JAK1: variants seen among roughly 807,000 people sequenced by gnomAD.
JAK1 encodes the protein Janus kinase 1.
JAK1 carries 16 observed loss-of-function variants against 136.6 expected under a neutral mutation model. The ratio of observed to expected loss-of-function variants is 0.12; its 90% CI spans 0.08 to 0.18. JAK1 has a LOEUF of 0.18. Ranked by LOEUF, JAK1 falls within the 10% of genes least tolerant of loss-of-function variation. JAK1 has a pLI of 1.00. For missense variants in JAK1, 859 were observed against 1,450.1 expected (o/e 0.59, Z 6.62); for synonymous variants, 492 against 519.5 (o/e 0.95, Z 0.72).
At chr1:64,838,644 A>G in intron 20 of JAK1, 55 bp from the exon 21 acceptor site, 1 of 1,593,336 alleles carries the variant, frequency 6.3e-7, no homozygotes, top group Non-Finnish European at 8.5e-7. Context: ...GAACCATGGG[A>G]GAGGCAAGGG....
Position 64,906,992 on chromosome 1 carries a change from T to G in JAK1, c.-77-20651A>C, listed in dbSNP as rs192875787. Among the ~76,000 whole-genome samples the G allele has an allele frequency of 6.6e-5, 8 of 121,204 alleles. No homozygotes were observed. The East Asian group carries it at 1.5e-3, about 22-fold the overall frequency. The allele number at this position is 121,204 out of a possible 152,430, so 79.5% of individuals were successfully genotyped here. ...TTGTCCAGCAGACTTCTCTTAACAGTGAGGAGAAGCACAAAAAAAAAAAAA... is the reference window on the plus strand; with the variant it reads ...TTGTCCAGCAGACTTCTCTTAACAGGGAGGAGAAGCACAAAAAAAAAAAAA... On this transcript the variant is annotated intron_variant, in intron 1 of 24. Transcript: ENST00000342505.
intron 1 of JAK1, among the ~76,000 whole-genome samples, chr1:64,920,228 C>T (rs1157008428): frequency 1.3e-5 from 2 of 152,246 alleles, no homozygotes; most frequent in African/African-American, 4.8e-5. Context: ...GTGGCTTACA[C>T]AAAATGAACT....
At chr1:65,035,251 T>G (rs1189766219) in intron 2 of JAK1, among the ~76,000 whole-genome samples, 1 of 152,154 alleles carries the variant, frequency 6.6e-6, no homozygotes, top group Non-Finnish European at 1.5e-5. Context: ...CATACCAGAA[T>G]AGAAACTGGC....
intron 1 of JAK1, among the ~76,000 whole-genome samples, chr1:64,905,078 T>C (rs1645169568): frequency 6.6e-6 from 1 of 152,190 alleles, no homozygotes; most frequent in Admixed American, 6.5e-5. Flanking sequence ...CAAATGATCC[T>C]CTGCCTTTAT....
At chr1:65,010,834 C>T (rs548318916) in intron 2 of JAK1, among the ~76,000 whole-genome samples, 34 of 152,106 alleles carry the variant, frequency 2.2e-4, no homozygotes, top group Non-Finnish European at 4.6e-4. Flanking sequence ...ACTAGCCAGC[C>T]GTGGTGGCAT....
chr1:64,978,531 A>T (rs908617849), intron 2 of JAK1, among the ~76,000 whole-genome samples: 1 of 152,190 alleles, frequency 6.6e-6, no homozygotes, highest in Non-Finnish European at 1.5e-5. Context: ...AAAGCTTAAG[A>T]CATAATGAAT....
At chr1:65,021,626 C>A (rs1439151834) in intron 2 of JAK1, among the ~76,000 whole-genome samples, 1 of 152,130 alleles carries the variant, frequency 6.6e-6, no homozygotes, top group East Asian at 1.9e-4. Flanking sequence ...TTCATTGAAT[C>A]CCTGAGTTCT....
chr1:64,940,646 A>G (rs1424542560), intron 1 of JAK1, among the ~76,000 whole-genome samples: 1 of 152,138 alleles, frequency 6.6e-6, no homozygotes, highest in African/African-American at 2.4e-5. Flanking sequence ...AATGAAGAAA[A>G]TGAGGTTAAG....
intron 2 of JAK1, among the ~76,000 whole-genome samples, chr1:64,988,938 A>G (rs985711807): frequency 6.9e-6 from 1 of 144,840 alleles, no homozygotes; most frequent in Admixed American, 7.0e-5. Flanking sequence ...GTGTATATAT[A>G]TATGTATGTG....
intron 2 of JAK1, among the ~76,000 whole-genome samples, chr1:64,977,747 T>A (rs371092577): frequency 2.9e-4 from 44 of 152,226 alleles, no homozygotes; most frequent in African/African-American, 1.0e-3. Flanking sequence ...TTTAACTTAT[T>A]TTCACTTCAT....
chr1:64,918,743 C>A (rs1343068188), intron 1 of JAK1: 1 of 162,838 alleles, frequency 6.1e-6, no homozygotes, highest in Non-Finnish European at 1.4e-5. Context: ...GCTAGCTGCA[C>A]TATTTTCCAC....
At chr1:64,953,362 C>G (rs1269092838) in intron 1 of JAK1, among the ~76,000 whole-genome samples, 4 of 152,026 alleles carry the variant, frequency 2.6e-5, no homozygotes, top group Non-Finnish European at 2.9e-5. Flanking sequence ...CAATTATGAG[C>G]CCAAAGTCAC....
upstream of JAK1, among the ~76,000 whole-genome samples, chr1:64,967,873 T>C (rs920893595): frequency 2.6e-5 from 4 of 152,012 alleles, no homozygotes; most frequent in African/African-American, 9.7e-5. Flanking sequence ...GTTGCCTGCA[T>C]TGTGGGTGTT....
intron 2 of JAK1, among the ~76,000 whole-genome samples, chr1:65,044,048 G>A (rs1308411266): frequency 6.6e-5 from 10 of 152,000 alleles, no homozygotes; most frequent in Non-Finnish European, 1.2e-4. Context: ...TAAGAGATGA[G>A]GTTACACTGT....
At chr1:64,918,671 G>C (rs1158569535) in intron 1 of JAK1, 1 of 187,276 alleles carries the variant, frequency 5.3e-6, no homozygotes, top group Non-Finnish European at 1.1e-5. Context: ...GAAGAAAGAT[G>C]GTCCAGATTT....
At chr1:64,986,065 G>T in intron 2 of JAK1, 1 of 1,202,558 alleles carries the variant, frequency 8.3e-7, no homozygotes, top group South Asian at 1.2e-5. Context: ...GCGAAGATCA[G>T]AGATGGGGTG....
At chr1:64,940,735 G>A (rs1211267536) in intron 1 of JAK1, among the ~76,000 whole-genome samples, 1 of 152,162 alleles carries the variant, frequency 6.6e-6, no homozygotes, top group Admixed American at 6.5e-5. Flanking sequence ...TTTATGCTAT[G>A]CTCCATAAAC....
intron 2 of JAK1, among the ~76,000 whole-genome samples, chr1:64,995,263 C>T (rs1646694448): frequency 6.6e-6 from 1 of 152,042 alleles, no homozygotes; most frequent in African/African-American, 2.4e-5. Context: ...CTCAAAACTC[C>T]CATTAGCAGT....
chr1:65,039,727 A>G (rs563209958), intron 2 of JAK1, among the ~76,000 whole-genome samples: 53 of 152,278 alleles, frequency 3.5e-4, no homozygotes, highest in African/African-American at 1.2e-3. Context: ...CAGGAAAGGT[A>G]TTTTTGGATG....
Sources: gnomAD v4.1 joint callset for allele counts (sites outside exome capture counted in the v4.1 genomes callset) on GRCh38, gnomAD v4.1.1 for gene constraint, MANE v1.5 for transcripts, NCBI Gene and HGNC (gene_info 2026-07-23, HGNC 2026-07-21) for gene names.